Variants in ENTPD3 observed in about 807,000 individuals in gnomAD.
ENTPD3 encodes CD39 antigen-like 3.
Under a neutral mutation model 51.2 loss-of-function variants are expected in ENTPD3, and 60 were observed. The ratio of observed to expected loss-of-function variants is 1.17; its 90% CI spans 0.95 to 1.45. The LOEUF is 1.45. ENTPD3 is among the 40% of genes most tolerant of loss of function. The probability of loss-of-function intolerance (pLI) is 0.00; values close to 1 mark genes in which losing one functional copy is unlikely to be tolerated. For missense variants in ENTPD3, 593 were observed against 641.1 expected (o/e 0.93, Z 0.81); for synonymous variants, 221 against 238.4 (o/e 0.93, Z 0.67).
intron 4 of ENTPD3, among the ~76,000 whole-genome samples, chr3:40,404,756 G>A (rs1379058706): frequency 6.6e-6 from 1 of 152,152 alleles, no homozygotes; most frequent in Non-Finnish European, 1.5e-5. Flanking sequence ...CTTCTCCAAG[G>A]ATAATTTGGG....
chr3:40,410,246 G>C (rs1020943232), intron 4 of ENTPD3, among the ~76,000 whole-genome samples: 1 of 152,052 alleles, frequency 6.6e-6, no homozygotes, highest in African/African-American at 2.4e-5. Context: ...TTCGAGACCA[G>C]CCTGGCCAAC....
Position 40,414,680 on chromosome 3 carries a change from G to A in ENTPD3, c.438-1G>A, listed in dbSNP as rs1955703588. The A allele has an allele frequency of 6.2e-7, 1 of 1,613,990 alleles. No homozygotes were observed. The highest frequency in any genetic ancestry group is 1.1e-5 in the South Asian group (1 of 91,066). ...ACTTGTTTGTTCTGTGCCTTGTACAGGTTGCAAAATGAAACAGCAGCTAAT... is the reference window on the plus strand; with the variant it reads ...ACTTGTTTGTTCTGTGCCTTGTACAAGTTGCAAAATGAAACAGCAGCTAAT... On this transcript the variant is annotated splice_acceptor_variant, in intron 5 of 10. Transcript: ENST00000301825. LOFTEE classifies it high-confidence loss of function.
At chr3:40,424,906 T>C in intron 10 of ENTPD3, 1 of 648,990 alleles carries the variant, frequency 1.5e-6, no homozygotes, top group African/African-American at 1.8e-5. Flanking sequence ...TTGAGTCATC[T>C]ACAAAAAAAT....
Position 40,421,866 on chromosome 3 carries a change from C to A in ENTPD3, c.832-984C>A, listed in dbSNP as rs1955880733. 2.0e-5 allele frequency among the ~76,000 whole-genome samples: 3 copies of A among 152,018 alleles called. No homozygotes were observed. In the South Asian group the frequency reaches 6.2e-4, roughly 32 times the overall value. On this transcript the variant is annotated intron_variant, in intron 7 of 10. Coordinates refer to ENST00000301825, the MANE Select transcript of ENTPD3 (RefSeq NM_001248.4). ...TGCATGCCAGATCTTTGGAAGGATA[C>A]ACAAAAACTGGCAATAGTGATTGTT...
At chr3:40,417,559 T>C (rs140834917) in intron 7 of ENTPD3, among the ~76,000 whole-genome samples, 52 of 151,880 alleles carry the variant, frequency 3.4e-4, no homozygotes, top group African/African-American at 9.9e-4. Flanking sequence ...CCTCCAACAC[T>C]GGGATTACAA....
At chr3:40,402,117 TTTTTTC>T (rs1955373491) in intron 4 of ENTPD3, among the ~76,000 whole-genome samples, 1 of 58,612 alleles carries the variant, frequency 1.7e-5, no homozygotes, top group African/African-American at 1.3e-4. Context: ...TTTCCTTTTT[TTTTTTC>T]TTTTTTTTTT....
Position 40,415,859 on chromosome 3 carries a change from G to T in ENTPD3, c.617G>T (p.Trp206Leu). Residue 206 changes from tryptophan to leucine, a missense_variant, in exon 7 of 11, where the codon TGG becomes TTG. Coordinates refer to ENST00000301825, the MANE Select transcript of ENTPD3 (RefSeq NM_001248.4). Reference sequence around the variant, plus strand: ...GTGCAGAAGAACCTGTGGCACATGTGGGTGCACCCGCATGGAGTGGAAACC... The same window carrying T: ...GTGCAGAAGAACCTGTGGCACATGTTGGTGCACCCGCATGGAGTGGAAACC... The part of the protein sequence containing the change: ...NFLEKNLWHM[W>L]VHPHGVETTG... The T allele has an allele frequency of 6.2e-7, 1 of 1,613,940 alleles. No homozygotes were observed. Among genetic ancestry groups the T allele is most frequent in the South Asian group, 1.1e-5 (1 of 91,038 alleles).
intron 4 of ENTPD3, among the ~76,000 whole-genome samples, chr3:40,401,635 C>T (rs1435663858): frequency 6.6e-6 from 1 of 152,302 alleles, no homozygotes; most frequent in Admixed American, 6.5e-5. Flanking sequence ...AATATGTAAA[C>T]AAATGGACAT....
At chr3:40,402,938 G>A (rs1428987198) in intron 4 of ENTPD3, among the ~76,000 whole-genome samples, 2 of 152,142 alleles carry the variant, frequency 1.3e-5, no homozygotes, top group African/African-American at 2.4e-5. Flanking sequence ...CCTCGTTCGA[G>A]CATTAGGATC....
rs112868609 is a variant in ENTPD3, at chr3:40,407,820, A to G, written c.287-3992A>G. ...TAGTTGAAGAAAGAGGAAGTGCGCA[A>G]TTAGGTGAAAAGTGATGGGGAGCTT... is the stretch of plus-strand genomic sequence containing the variant. On this transcript the variant is annotated intron_variant, in intron 4 of 10. Coordinates refer to ENST00000301825, the MANE Select transcript of ENTPD3 (RefSeq NM_001248.4). Among the ~76,000 whole-genome samples, 330 of 152,280 alleles carry G rather than the reference A, an allele frequency of 2.2e-3. 2 individuals are homozygous for G. The highest frequency in any genetic ancestry group is 0.01 in the Middle Eastern group (3 of 294).
intron 3 of ENTPD3, 46 bp downstream of exon 3, chr3:40,392,196 G>C (rs1447239832): frequency 6.3e-7 from 1 of 1,597,864 alleles, no homozygotes; most frequent in Admixed American, 1.7e-5. Context: ...TGAGCATAAA[G>C]GGGAAGAAAT....
At chr3:40,390,051 C>A (rs946659449) in intron 2 of ENTPD3, among the ~76,000 whole-genome samples, 1 of 152,050 alleles carries the variant, frequency 6.6e-6, no homozygotes, top group Non-Finnish European at 1.5e-5. Context: ...TGAGAGACTG[C>A]ATTTTTTTAT....
At chr3:40,412,423 AGTT>A (rs1955656525) in intron 5 of ENTPD3, among the ~76,000 whole-genome samples, 3 of 152,304 alleles carry the variant, frequency 2.0e-5, no homozygotes, top group Admixed American at 2.0e-4. Context: ...AAGCTTTTGG[AGTT>A]GTTATGAAAC....
intron 4 of ENTPD3, among the ~76,000 whole-genome samples, chr3:40,407,567 G>A (rs566847314): frequency 2.0e-5 from 3 of 152,192 alleles, no homozygotes; most frequent in South Asian, 2.1e-4. Context: ...TCGGGAGTTC[G>A]GGGGAGGGGG....
chr3:40,427,729 T>G lies in ENTPD3; in HGVS notation c.*221T>G, dbSNP rs895861592. On this transcript the variant is annotated 3_prime_UTR_variant, in exon 11 of 11. Transcript: ENST00000301825. Reference sequence around the variant, plus strand: ...TTCAGAGACCTCACTACCCACATGCTGATCTATTGGGGAACAGAGAAGAGA... The same window carrying G: ...TTCAGAGACCTCACTACCCACATGCGGATCTATTGGGGAACAGAGAAGAGA... 15 of 562,864 alleles carry G rather than the reference T, an allele frequency of 2.7e-5. No individual in the cohort carries two copies. The highest frequency in any genetic ancestry group is 4.8e-5 in the Non-Finnish European group (15 of 313,794). 34.9% of individuals were successfully genotyped at this position (562,864 alleles called of 1,614,324 possible). A position where few individuals can be genotyped will look rare whatever the true frequency, so the allele number is the denominator to read the frequency against.
chr3:40,426,176 T>C (rs1955981415), intron 10 of ENTPD3, among the ~76,000 whole-genome samples: 1 of 149,322 alleles, frequency 6.7e-6, no homozygotes, highest in Non-Finnish European at 1.5e-5. Flanking sequence ...TGGTGTGATC[T>C]TGGCTCACTG....
chr3:40,396,674 C>T (rs1461756026), intron 3 of ENTPD3, among the ~76,000 whole-genome samples: 1 of 152,156 alleles, frequency 6.6e-6, no homozygotes, highest in Admixed American at 6.5e-5. Context: ...GTAATTTTCA[C>T]TCGGCCCCCA....
chr3:40,425,486 C>G (rs570589813), intron 10 of ENTPD3, among the ~76,000 whole-genome samples: 1 of 151,984 alleles, frequency 6.6e-6, no homozygotes, highest in South Asian at 2.1e-4. Context: ...ATTTGCTGCA[C>G]AGAAGACTTA....
chr3:40,404,880 A>G (rs61236669), intron 4 of ENTPD3, among the ~76,000 whole-genome samples: 2 of 152,170 alleles, frequency 1.3e-5, no homozygotes, highest in East Asian at 3.9e-4. Flanking sequence ...GGCCCTCAGA[A>G]ATTTCTTTCT....
Sources: gnomAD v4.1 joint callset for allele counts (sites outside exome capture counted in the v4.1 genomes callset) on GRCh38, gnomAD v4.1.1 for gene constraint, MANE v1.5 for transcripts, NCBI Gene and HGNC (gene_info 2026-07-23, HGNC 2026-07-21) for gene names.